Variants in RAB7A observed in about 807,000 individuals in gnomAD.
The protein encoded by RAB7A is RAB7A, member RAS oncogene family.
Under a neutral mutation model 24.5 loss-of-function variants are expected in RAB7A, and 2 were observed. That is an observed-to-expected ratio of 0.08 (90% confidence interval 0.03 to 0.26). The LOEUF (loss-of-function observed/expected upper bound fraction) is 0.26, where lower values mean the gene tolerates loss of function less well. RAB7A is among the 10% of genes least tolerant of loss of function. The pLI, the probability that RAB7A is intolerant of heterozygous loss-of-function variation, is 1.00. For missense variants in RAB7A, 118 were observed against 255.7 expected (o/e 0.46, Z 3.67); for synonymous variants, 100 against 95.9 (o/e 1.04, Z -0.25).
intron 1 of RAB7A, among the ~76,000 whole-genome samples, chr3:128,775,176 A>G (rs1321227734): frequency 6.6e-6 from 1 of 152,186 alleles, no homozygotes; most frequent in Non-Finnish European, 1.5e-5. Flanking sequence ...GGAGAATAGC[A>G]GTAATAATGG....
intron 1 of RAB7A, among the ~76,000 whole-genome samples, chr3:128,784,629 AT>A (rs1350651816): frequency 6.6e-6 from 1 of 151,954 alleles, no homozygotes; most frequent in Admixed American, 6.6e-5. Flanking sequence ...CAGGCACCTC[AT>A]TTTCATATCC....
At chr3:128,776,704 C>G (rs1044344304) in intron 1 of RAB7A, among the ~76,000 whole-genome samples, 6 of 151,970 alleles carry the variant, frequency 3.9e-5, no homozygotes, top group Admixed American at 6.6e-5. Flanking sequence ...CGTACTGATT[C>G]CATATCCTTT....
chr3:128,765,766 T>C (rs1257407237), intron 1 of RAB7A, among the ~76,000 whole-genome samples: 2 of 151,598 alleles, frequency 1.3e-5, no homozygotes, highest in Admixed American at 1.3e-4. Flanking sequence ...ACTTTTTTTT[T>C]TTTTTTTTTC....
At chr3:128,759,479 T>C (rs1022518845) in intron 1 of RAB7A, among the ~76,000 whole-genome samples, 2 of 152,220 alleles carry the variant, frequency 1.3e-5, no homozygotes, top group Middle Eastern at 3.2e-3. Flanking sequence ...GCCAAGATCT[T>C]GTGGGCCCAG....
intron 1 of RAB7A, among the ~76,000 whole-genome samples, chr3:128,777,427 C>T (rs976881994): frequency 1.3e-5 from 2 of 152,100 alleles, no homozygotes; most frequent in African/African-American, 4.8e-5. Context: ...TTCTTAAACT[C>T]CTGGGTTCAA....
At chr3:128,768,103 C>T (rs1011077003) in intron 1 of RAB7A, among the ~76,000 whole-genome samples, 1 of 152,156 alleles carries the variant, frequency 6.6e-6, no homozygotes, top group African/African-American at 2.4e-5. Flanking sequence ...TACCCCTCTC[C>T]AGGTAACCAC....
At chr3:128,793,622 G>T (rs1933508156) in intron 1 of RAB7A, among the ~76,000 whole-genome samples, 1 of 152,184 alleles carries the variant, frequency 6.6e-6, no homozygotes, top group African/African-American at 2.4e-5. Flanking sequence ...CTTAGAGTGT[G>T]ACATTTAAAC....
At chr3:128,812,004 T>C (rs1933937286) in intron 5 of RAB7A, among the ~76,000 whole-genome samples, 1 of 151,902 alleles carries the variant, frequency 6.6e-6, no homozygotes, top group African/African-American at 2.4e-5. Context: ...TGGTATAGAA[T>C]GGGGGTGGGA....
At chr3:128,752,566 C>T (rs1021014872) in intron 1 of RAB7A, among the ~76,000 whole-genome samples, 3 of 152,038 alleles carry the variant, frequency 2.0e-5, no homozygotes, top group African/African-American at 7.2e-5. Flanking sequence ...CACCAAAAAT[C>T]AGCTTACTGG....
chr3:128,754,974 A>T (rs2070717123), intron 1 of RAB7A, among the ~76,000 whole-genome samples: 1 of 152,196 alleles, frequency 6.6e-6, no homozygotes. Context: ...GTAAGTAGGG[A>T]AATAGAATAT....
intron 1 of RAB7A, among the ~76,000 whole-genome samples, chr3:128,733,568 G>T (rs2070458512): frequency 6.6e-6 from 1 of 152,212 alleles, no homozygotes; most frequent in South Asian, 2.1e-4. Context: ...AAGCTGTCGG[G>T]AGGATTAGTT....
rs562876171 is a variant in RAB7A, at chr3:128,797,814, T to A, written c.54-129T>A. The A allele has an allele frequency of 5.6e-5, 57 of 1,022,344 alleles. No individual in the cohort carries two copies. The African/African-American group carries it at 8.1e-4, about 15-fold the overall frequency. 63.3% of individuals were successfully genotyped at this position (1,022,344 alleles called of 1,614,324 possible). ...GTAATGCTCGGAAGGCTACTGGCATTGCCCTTTGCTGTGAGGGCAGTTTCT... is the reference window on the plus strand; with the variant it reads ...GTAATGCTCGGAAGGCTACTGGCATAGCCCTTTGCTGTGAGGGCAGTTTCT... On this transcript the variant is annotated intron_variant, in intron 2 of 5. Coordinates refer to ENST00000265062, the MANE Select transcript of RAB7A (RefSeq NM_004637.6).
intron 1 of RAB7A, among the ~76,000 whole-genome samples, chr3:128,765,728 T>TA (rs2070824498): frequency 6.6e-6 from 1 of 150,946 alleles, no homozygotes; most frequent in South Asian, 2.1e-4. Flanking sequence ...CTTCCTGACT[T>TA]AATCACTCCC....
chr3:128,754,660 A>C (rs2070714333), intron 1 of RAB7A, among the ~76,000 whole-genome samples: 1 of 152,154 alleles, frequency 6.6e-6, no homozygotes, highest in Non-Finnish European at 1.5e-5. Context: ...GCCATAAGAG[A>C]CCCACTTTAG....
intron 1 of RAB7A, chr3:128,764,635 G>A (rs1035632103): frequency 9.0e-7 from 1 of 1,106,974 alleles, no homozygotes; most frequent in Non-Finnish European, 1.4e-6. Context: ...ACACAAATGG[G>A]GGTCATTTTT....
chr3:128,793,117 G>A (rs1259005433), intron 1 of RAB7A, among the ~76,000 whole-genome samples: 3 of 152,084 alleles, frequency 2.0e-5, no homozygotes, highest in African/African-American at 4.8e-5. Context: ...TCCACCTCCC[G>A]GGTTCAAGCC....
intron 1 of RAB7A, among the ~76,000 whole-genome samples, chr3:128,763,208 ATTTTTTTTTTT>A (rs1174944964): frequency 1.3e-5 from 1 of 76,060 alleles, no homozygotes; most frequent in Non-Finnish European, 2.2e-5. Context: ...ATATATATAT[ATTTTTTTTTTT>A]TTTTTTTTTT....
chr3:128,727,789 C>G (rs1000739294), intron 1 of RAB7A, among the ~76,000 whole-genome samples: 1 of 152,152 alleles, frequency 6.6e-6, no homozygotes, highest in East Asian at 1.9e-4. Flanking sequence ...ATTTCTCATC[C>G]ATGGATGAAT....
chr3:128,738,654 G>A (rs2070516550), intron 1 of RAB7A, among the ~76,000 whole-genome samples: 1 of 152,158 alleles, frequency 6.6e-6, no homozygotes, highest in African/African-American at 2.4e-5. Context: ...TCTTATAGTT[G>A]TGGATTTTGT....
Sources: allele counts gnomAD v4.1 joint callset (sites outside exome capture counted in the v4.1 genomes callset), GRCh38; gene constraint gnomAD v4.1.1; transcripts MANE v1.5; gene names NCBI Gene and HGNC (gene_info 2026-07-23, HGNC 2026-07-21).